ERG: variants seen among roughly 807,000 people sequenced by gnomAD.
ERG encodes the protein transcriptional regulator ERG.
Under a neutral mutation model 55.3 loss-of-function variants are expected in ERG, and 9 were observed. The observed-to-expected ratio is 0.16, with a 90% CI of 0.10 to 0.28. The LOEUF is 0.28. Among genes scored for constraint, ERG ranks in the 10% least tolerant of loss-of-function variants. The probability of loss-of-function intolerance (pLI) is 1.00; values close to 1 mark genes in which losing one functional copy is unlikely to be tolerated. For synonymous variants in ERG, 223 were observed against 237.3 expected, an observed-to-expected ratio of 0.94 and a Z score of 0.55; for missense variants, 434 against 631.6, an observed-to-expected ratio of 0.69 and a Z score of 3.35.
intron 3 of ERG, among the ~76,000 whole-genome samples, chr21:38,416,680 C>A (rs771293093): frequency 6.6e-6 from 1 of 152,166 alleles, no homozygotes; most frequent in Non-Finnish European, 1.5e-5. Flanking sequence ...TATATACATG[C>A]ATTTGAGAAT....
At chr21:38,389,453 G>A (rs1045502013) in intron 9 of ERG, among the ~76,000 whole-genome samples, 3 of 151,900 alleles carry the variant, frequency 2.0e-5, no homozygotes, top group Admixed American at 6.6e-5. Context: ...TTCAGCTTCC[G>A]TCATTTTCTT....
At chr21:38,425,809 G>A (rs1464916718) in intron 2 of ERG, among the ~76,000 whole-genome samples, 1 of 152,194 alleles carries the variant, frequency 6.6e-6, no homozygotes, top group Non-Finnish European at 1.5e-5. Flanking sequence ...TGAACTTCAA[G>A]TCTAAGGAGG....
chr21:38,539,167 G>A (rs1165879243), intron 2 of ERG, among the ~76,000 whole-genome samples: 2 of 152,262 alleles, frequency 1.3e-5, no homozygotes, highest in East Asian at 1.9e-4. Context: ...TTTAGTTACT[G>A]AGCATCTCCT....
intron 1 of ERG, among the ~76,000 whole-genome samples, chr21:38,626,403 T>A (rs2060325105): frequency 6.6e-6 from 1 of 152,186 alleles, no homozygotes; most frequent in Non-Finnish European, 1.5e-5. Flanking sequence ...GAAGGGCTTG[T>A]AAAATTTTAG....
At chr21:38,367,678 C>A in the ERG span, 273 of 505,748 alleles carry the variant, frequency 5.4e-4, 3 homozygotes, top group African/African-American at 4.8e-3. Flanking sequence ...AAATTAAGCT[C>A]CACTCTTGAA....
chr21:38,428,223 T>C (rs930917940), intron 2 of ERG, among the ~76,000 whole-genome samples: 1 of 151,858 alleles, frequency 6.6e-6, no homozygotes, highest in Non-Finnish European at 1.5e-5. Context: ...GGAAATTTTA[T>C]CACAATTCAG....
At chr21:38,467,201 A>T (rs1008304121) in intron 1 of ERG, among the ~76,000 whole-genome samples, 2 of 152,228 alleles carry the variant, frequency 1.3e-5, no homozygotes, top group Non-Finnish European at 2.9e-5. Context: ...TGACAGCTCA[A>T]ATTCAAAAGC....
intron 1 of ERG, among the ~76,000 whole-genome samples, chr21:38,497,700 T>A (rs1243875292): frequency 6.6e-6 from 1 of 152,168 alleles, no homozygotes; most frequent in African/African-American, 2.4e-5. Flanking sequence ...TGCTTTCCAA[T>A]CTCCGCAAAC....
At chr21:38,369,015 A>G in the ERG span, among the ~76,000 whole-genome samples, 130 of 152,320 alleles carry the variant, frequency 8.5e-4, no homozygotes, top group Non-Finnish European at 1.6e-3. Context: ...CCAGTCTATC[A>G]TTGATGGGCA....
At chr21:38,466,648 T>C (rs2059093414) in intron 1 of ERG, among the ~76,000 whole-genome samples, 1 of 152,124 alleles carries the variant, frequency 6.6e-6, no homozygotes, top group Admixed American at 6.6e-5. Flanking sequence ...TGGTCAGTTC[T>C]TCATATGATA....
At chr21:38,517,318 A>C (rs1028133963) in intron 2 of ERG, among the ~76,000 whole-genome samples, 2 of 152,144 alleles carry the variant, frequency 1.3e-5, no homozygotes, top group Non-Finnish European at 2.9e-5. Flanking sequence ...ACATTTCTCA[A>C]AAGAAGACAC....
intron 2 of ERG, among the ~76,000 whole-genome samples, chr21:38,564,183 T>C (rs115096390): frequency 0.012 from 1,892 of 152,282 alleles, 48 homozygotes; most frequent in African/African-American, 0.043. Flanking sequence ...CCTTATCTCC[T>C]GTGAATGCTG....
At position 38,427,754 on chromosome 21, in the gene ERG, G is replaced by C. The variant is rs118157538; in HGVS notation, c.237-4193C>G. 4.6e-5 allele frequency among the ~76,000 whole-genome samples: 7 copies of C among 152,230 alleles called. No homozygotes were observed. The East Asian group carries it at 1.2e-3, about 25-fold the overall frequency. Reference sequence around the variant, plus strand: ...AGGTGTACACTAAAGCACTCATCCTGACATACTCTCCTACCCTGGGACTGT... The same window carrying C: ...AGGTGTACACTAAAGCACTCATCCTCACATACTCTCCTACCCTGGGACTGT... On this transcript the variant is annotated intron_variant, in intron 2 of 9. Coordinates refer to ENST00000288319, the MANE Select transcript of ERG (RefSeq NM_182918.4).
chr21:38,487,956 G>C (rs935037594), intron 1 of ERG, among the ~76,000 whole-genome samples: 2 of 151,908 alleles, frequency 1.3e-5, no homozygotes, highest in Non-Finnish European at 2.9e-5. Flanking sequence ...GAATATATTC[G>C]TGCAATAACA....
chr21:38,625,507 G>T (rs2060318914), intron 1 of ERG, among the ~76,000 whole-genome samples: 1 of 152,134 alleles, frequency 6.6e-6, no homozygotes, highest in Admixed American at 6.5e-5. Flanking sequence ...TGTTCTCCAG[G>T]AGAGAGGCTG....
chr21:38,641,572 T>C (rs2060425239), intron 1 of ERG, among the ~76,000 whole-genome samples: 1 of 152,164 alleles, frequency 6.6e-6, no homozygotes, highest in Admixed American at 6.5e-5. Flanking sequence ...CTTTGTTATG[T>C]TAGTAACACA....
intron 1 of ERG, among the ~76,000 whole-genome samples, chr21:38,491,665 G>C (rs752255378): frequency 6.6e-5 from 10 of 152,272 alleles, no homozygotes; most frequent in Non-Finnish European, 1.5e-4. Flanking sequence ...GCAGATTACC[G>C]TTCTTCCCAG....
At position 38,598,794 on chromosome 21, in the gene ERG, T is replaced by C. The variant is rs73217916; in HGVS notation, c.-149-13849A>G. Among the ~76,000 whole-genome samples, 1,422 of 152,274 alleles carry C rather than the reference T, an allele frequency of 9.3e-3. 7 individuals are homozygous for C. The highest frequency in any genetic ancestry group is 0.015 in the Non-Finnish European group (1,045 of 68,006). On this transcript the variant is annotated intron_variant, in intron 1 of 10. Coordinates refer to the ERG transcript ENST00000398910. ...GTAGAGTTTTCTGGTTTCTGCACAG[T>C]ATAAATCCTCCCACAATTTCAATCA...
rs148428801 is a variant in ERG at position 38,517,693 on chromosome 21, C to T, written c.-41+57969G>A. Among the ~76,000 whole-genome samples, 66 of 152,174 alleles carry T rather than the reference C, an allele frequency of 4.3e-4. 1 individual carries two copies. In the East Asian group the frequency reaches 5.2e-3, roughly 12 times the overall value. ...GCAGCACTATTTACCATAGCAAAGA[C>T]ATGAAATCAACCTAAATGTCCATCC... On this transcript the variant is annotated intron_variant, in intron 2 of 8. Coordinates refer to the ERG transcript ENST00000398897.
Sources: allele counts gnomAD v4.1 joint callset (sites outside exome capture counted in the v4.1 genomes callset), GRCh38; gene constraint gnomAD v4.1.1; transcripts MANE v1.5; gene names NCBI Gene and HGNC (gene_info 2026-07-23, HGNC 2026-07-21).